STON2: variants seen among roughly 807,000 people sequenced by gnomAD.
STON2 encodes stonin 2.
In STON2, 29 loss-of-function variants were observed where a neutral mutation model predicts 65.7. The observed-to-expected ratio is 0.44, with a 90% CI of 0.33 to 0.60. The LOEUF is 0.60. STON2 is among the 20% of genes least tolerant of loss of function. The probability of loss-of-function intolerance (pLI) is 0.03; values close to 1 mark genes in which losing one functional copy is unlikely to be tolerated. For synonymous variants in STON2, 404 were observed against 414.2 expected (o/e 0.98, Z 0.30); for missense variants, 1,054 against 1,118.1 (o/e 0.94, Z 0.82).
chr14:81,309,881 AC>A (rs1448543614), intron 5 of STON2, among the ~76,000 whole-genome samples: 1 of 152,198 alleles, frequency 6.6e-6, no homozygotes, highest in Non-Finnish European at 1.5e-5. Context: ...GACCACTCTT[AC>A]ATTTCAAAAC....
At chr14:81,375,814 CA>C (rs557321091) in intron 3 of STON2, among the ~76,000 whole-genome samples, 72 of 150,626 alleles carry the variant, frequency 4.8e-4, no homozygotes, top group African/African-American at 1.7e-3. Flanking sequence ...GAACAAATTT[CA>C]AAAAATTGGT....
chr14:81,345,576 A>G (rs1381065766), intron 4 of STON2, among the ~76,000 whole-genome samples: 1 of 152,170 alleles, frequency 6.6e-6, no homozygotes, highest in Non-Finnish European at 1.5e-5. Context: ...AGCCTGGGTA[A>G]CATGGTGAAA....
rs1894963652 is a variant in STON2 at position 81,278,449 on chromosome 14, T to C, written c.1033A>G (p.Lys345Glu). 2.5e-6 allele frequency: 4 copies of C among 1,614,212 alleles called. No homozygotes were observed. The highest frequency in any genetic ancestry group is 1.6e-4 in the Middle Eastern group (1 of 6,062). ...GAGGAAATATCCAGCTTCTGAACTT[T>C]GGAGAAGTTCATCAAAGTGCTCTTG... ...RPKSTLMNFS[K>E]VQKLDISSLN... Residue 345 changes from lysine to glutamate, a missense_variant, in exon 6 of 8, where the codon AAA (lysine) becomes GAA (glutamate). Transcript: ENST00000614646.
chr14:81,396,179 CT>C lies in STON2; in HGVS notation c.89-2del, dbSNP rs764376254. 6.3e-7 allele frequency: 1 copy of C among 1,597,098 alleles called. No individual in the cohort carries two copies. The highest frequency in any genetic ancestry group is 1.1e-5 in the South Asian group (1 of 88,610). On this transcript the variant is annotated splice_acceptor_variant, in intron 2 of 7. Transcript: ENST00000614646. LOFTEE classifies it high-confidence loss of function. ...CCTGGGAGGTGCTCTTCCGTGCCCC[CT>C]GAAACAGATACCAGACGCCACCATC... is the stretch of plus-strand genomic sequence containing the variant.
At chr14:81,400,640 A>G (rs1280560731), upstream of STON2, among the ~76,000 whole-genome samples, 2 of 152,154 alleles carry the variant, frequency 1.3e-5, no homozygotes, top group South Asian at 2.1e-4. Flanking sequence ...GGTGAAGGTA[A>G]GAGGAAAATA....
chr14:81,308,781 CATATATATAT>C (rs57821672), intron 5 of STON2, among the ~76,000 whole-genome samples: 18 of 9,176 alleles, frequency 2.0e-3, no homozygotes, highest in South Asian at 3.6e-3. Flanking sequence ...TGGTTTTACC[CATATATATAT>C]ATATATATAT....
At chr14:81,382,505 AG>A (rs1334378537) in intron 3 of STON2, among the ~76,000 whole-genome samples, 1 of 152,150 alleles carries the variant, frequency 6.6e-6, no homozygotes, top group East Asian at 1.9e-4. Context: ...AAGAAAAGTA[AG>A]GTAGTTATCA....
intron 4 of STON2, among the ~76,000 whole-genome samples, chr14:81,352,736 C>T (rs1203127738): frequency 6.6e-6 from 1 of 152,192 alleles, no homozygotes; most frequent in Non-Finnish European, 1.5e-5. Context: ...AAAAGCATTA[C>T]AGTTGTCACC....
chr14:81,387,945 TTTTC>T (rs1175548127), intron 3 of STON2, among the ~76,000 whole-genome samples: 1 of 136,894 alleles, frequency 7.3e-6, no homozygotes, highest in Non-Finnish European at 1.5e-5. Context: ...TTTTTATTTC[TTTTC>T]TTTTTTTTTT....
At chr14:81,342,751 A>C (rs988930234) in intron 4 of STON2, among the ~76,000 whole-genome samples, 1 of 151,940 alleles carries the variant, frequency 6.6e-6, no homozygotes, top group Non-Finnish European at 1.5e-5. Context: ...TCCCGGGTAC[A>C]TGAACCATGG....
intron 3 of STON2, among the ~76,000 whole-genome samples, chr14:81,384,087 TC>T (rs968838972): frequency 6.6e-6 from 1 of 151,738 alleles, no homozygotes; most frequent in African/African-American, 2.4e-5. Flanking sequence ...CTGCCCCATT[TC>T]CCCCAGGTCT....
intron 3 of STON2, among the ~76,000 whole-genome samples, chr14:81,386,368 A>T (rs1566937764): frequency 6.6e-6 from 1 of 152,080 alleles, no homozygotes. Context: ...AGCCAGAATG[A>T]ACAACATAAT....
In STON2 at chr14:81,264,494, A is replaced by G; in HGVS notation, c.*3920T>C. On this transcript the variant is annotated 3_prime_UTR_variant, in exon 8 of 8. Coordinates refer to ENST00000614646, the MANE Select transcript of STON2 (RefSeq NM_001394390.1). Reference sequence around the variant, plus strand: ...TCCTGGCAAGCATTTAAGGTGGCTGAACCCTATTATATTCCAAGCTTTGTG... The same window carrying G: ...TCCTGGCAAGCATTTAAGGTGGCTGGACCCTATTATATTCCAAGCTTTGTG... The G allele has an allele frequency of 1.0e-5, 10 of 985,458 alleles. No individual in the cohort carries two copies. The highest frequency in any genetic ancestry group is 1.2e-5 in the Non-Finnish European group (10 of 829,932). The allele number at this position is 985,458 out of a possible 1,614,324, so 61.0% of individuals were successfully genotyped here. A position where few individuals can be genotyped will look rare whatever the true frequency, so the allele number is the denominator to read the frequency against.
In STON2 at chr14:81,262,381, A is replaced by G. The variant is rs1417563786; in HGVS notation, c.*6033T>C. The G allele has an allele frequency of 2.3e-5, 23 of 985,380 alleles. No homozygotes were observed. The highest frequency in any genetic ancestry group is 2.8e-5 in the Non-Finnish European group (23 of 829,844). 61.0% of individuals were successfully genotyped at this position (985,380 alleles called of 1,614,324 possible). Reference sequence around the variant, plus strand: ...CTAACACAGCACCTGACCAGAGTAGACATTTGATAAATATTTGTTGAGTTG... The same window carrying G: ...CTAACACAGCACCTGACCAGAGTAGGCATTTGATAAATATTTGTTGAGTTG... On this transcript the variant is annotated 3_prime_UTR_variant, in exon 8 of 8. Coordinates refer to ENST00000614646, the MANE Select transcript of STON2 (RefSeq NM_001394390.1).
intron 3 of STON2, among the ~76,000 whole-genome samples, chr14:81,371,428 G>C (rs562057238): frequency 6.6e-6 from 1 of 152,162 alleles, no homozygotes; most frequent in East Asian, 1.9e-4. Flanking sequence ...GGGTGCGGTG[G>C]CTCACGCCTG....
chr14:81,410,278 C>CAAAAAAAAAAAAAAAA (rs1161157573), intron 2 of STON2, among the ~76,000 whole-genome samples: 6 of 45,796 alleles, frequency 1.3e-4, no homozygotes, highest in South Asian at 9.2e-4. Flanking sequence ...TAACTCTAAC[C>CAAAAAAAAAAAAAAAA]AAAAAAAAAA....
At chr14:81,288,794 GA>G (rs1273354733) in intron 5 of STON2, among the ~76,000 whole-genome samples, 1 of 150,168 alleles carries the variant, frequency 6.7e-6, no homozygotes. Context: ...CCATAAGGGA[GA>G]ATGTATCATA....
At chr14:81,308,778 ACCC>A (rs1896281886) in intron 5 of STON2, among the ~76,000 whole-genome samples, 2 of 92,616 alleles carry the variant, frequency 2.2e-5, no homozygotes, top group Non-Finnish European at 2.2e-5. Flanking sequence ...ACATGGTTTT[ACCC>A]ATATATATAT....
intron 4 of STON2, among the ~76,000 whole-genome samples, chr14:81,340,717 C>G (rs1475401754): frequency 6.6e-6 from 1 of 152,068 alleles, no homozygotes; most frequent in Non-Finnish European, 1.5e-5. Flanking sequence ...CTCTGGAGCA[C>G]TGCACACAGA....
Sources: allele counts gnomAD v4.1 joint callset (sites outside exome capture counted in the v4.1 genomes callset), GRCh38; gene constraint gnomAD v4.1.1; transcripts MANE v1.5; gene names NCBI Gene and HGNC (gene_info 2026-07-23, HGNC 2026-07-21).